The following HMCN1 variants were observed in gnomAD, a reference collection of about 807,000 sequenced individuals.
HMCN1 encodes the protein hemicentin 1, also known as hemicentin-1.
Under a neutral mutation model 625.9 loss-of-function variants are expected in HMCN1, and 321 were observed. The observed-to-expected ratio is 0.51, with a 90% confidence interval of 0.47 to 0.56. The LOEUF (loss-of-function observed/expected upper bound fraction) is 0.56. Ranked by LOEUF, HMCN1 falls within the 20% of genes least tolerant of loss-of-function variation. HMCN1 has a pLI of 0.00. For synonymous variants in HMCN1, 2,425 were observed against 2,417.6 expected, an observed-to-expected ratio of 1.00 and a Z score of -0.09; for missense variants, 6,588 against 6,887.3, an observed-to-expected ratio of 0.96 and a Z score of 1.54.
At chr1:185,778,814 A>C (rs1656820804) in intron 1 of HMCN1, among the ~76,000 whole-genome samples, 1 of 152,144 alleles carries the variant, frequency 6.6e-6, no homozygotes, top group Admixed American at 6.5e-5. Context: ...ATACGTGTGC[A>C]TGTGTCTTTA....
At chr1:185,865,630 C>G in intron 3 of HMCN1, 111 bp from the exon 4 acceptor site, 3 of 678,160 alleles carry the variant, frequency 4.4e-6, no homozygotes, top group Admixed American at 2.2e-5. Context: ...CACACACACA[C>G]ATTCACATAT....
chr1:186,019,512 C>T (rs535759991), intron 34 of HMCN1, 29 bp from the exon 35 acceptor site: 1 of 1,566,862 alleles, frequency 6.4e-7, no homozygotes, highest in Admixed American at 1.7e-5. Context: ...ATTATGGTTT[C>T]ATTCCCTCTC....
At chr1:185,932,788 G>A (rs758197937) in intron 10 of HMCN1, among the ~76,000 whole-genome samples, 3 of 151,982 alleles carry the variant, frequency 2.0e-5, no homozygotes, top group Non-Finnish European at 4.4e-5. Flanking sequence ...CATGGCACAC[G>A]TATACCTATG....
At chr1:185,957,234 T>A (rs957202719) in intron 11 of HMCN1, 1 of 152,214 alleles carries the variant, frequency 6.6e-6, no homozygotes, top group Admixed American at 6.5e-5. Flanking sequence ...AATTATCTCA[T>A]GAAAAATTCA....
rs75020958 is a variant in HMCN1, at chr1:185,878,073, A to G, written c.621+12210A>G. 6.9e-3 allele frequency among the ~76,000 whole-genome samples: 1,058 copies of G among 152,314 alleles called. 11 individuals are homozygous for G. The highest frequency in any genetic ancestry group is 0.023 in the African/African-American group (947 of 41,568). On this transcript the variant is annotated intron_variant, in intron 4 of 106. Coordinates refer to ENST00000271588, the MANE Select transcript of HMCN1 (RefSeq NM_031935.3). ...GCTTTAATGTTATTGATGAATAGAA[A>G]TGCTACTGATTTTTGTACATTGATT...
intron 97 of HMCN1, among the ~76,000 whole-genome samples, chr1:186,155,733 G>A (rs76691199): frequency 1.3e-5 from 2 of 152,244 alleles, no homozygotes; most frequent in East Asian, 3.9e-4. Flanking sequence ...GTGATTCTAT[G>A]AATCACATCT....
chr1:186,176,921 C>T (rs1652622717), intron 103 of HMCN1: 1 of 152,686 alleles, frequency 6.5e-6, no homozygotes, highest in African/African-American at 2.4e-5. Flanking sequence ...GTAATCCCAG[C>T]ACTTTGGGAG....
intron 102 of HMCN1, among the ~76,000 whole-genome samples, chr1:186,172,459 TGGG>T (rs1420863318): frequency 6.6e-6 from 1 of 152,164 alleles, no homozygotes; most frequent in African/African-American, 2.4e-5. Context: ...AAGAATTTCT[TGGG>T]GGAAAGAAAA....
intron 97 of HMCN1, among the ~76,000 whole-genome samples, chr1:186,162,057 A>T (rs1558271276): frequency 6.6e-6 from 1 of 152,188 alleles, no homozygotes; most frequent in Non-Finnish European, 1.5e-5. Context: ...CAGGTACACC[A>T]ATCAGACGTA....
intron 89 of HMCN1, among the ~76,000 whole-genome samples, chr1:186,140,669 A>C (rs779087542): frequency 4.6e-5 from 7 of 152,116 alleles, no homozygotes; most frequent in Non-Finnish European, 8.8e-5. Flanking sequence ...TTTAGCATCC[A>C]TTTCTGATTT....
chr1:185,824,397 G>A (rs1432388894), intron 1 of HMCN1, among the ~76,000 whole-genome samples: 1 of 152,092 alleles, frequency 6.6e-6, no homozygotes, highest in African/African-American at 2.4e-5. Context: ...AATTTGTTAT[G>A]TTTACCTTCT....
At chr1:185,816,438 C>T (rs910419385) in intron 1 of HMCN1, among the ~76,000 whole-genome samples, 2 of 152,160 alleles carry the variant, frequency 1.3e-5, no homozygotes, top group Non-Finnish European at 2.9e-5. Flanking sequence ...GTATGCTCAT[C>T]CCATTGTGAT....
At chr1:186,077,381 T>C (rs1433838278) in intron 54 of HMCN1, among the ~76,000 whole-genome samples, 1 of 152,136 alleles carries the variant, frequency 6.6e-6, no homozygotes, top group African/African-American at 2.4e-5. Flanking sequence ...AATAGTAGTT[T>C]TGTTTTGATT....
chr1:185,997,623 A>G, intron 25 of HMCN1, 99 bp downstream of exon 25: 1 of 826,362 alleles, frequency 1.2e-6, no homozygotes, highest in Non-Finnish European at 2.1e-6. Context: ...TTCCACATCA[A>G]TCCTTGGTAG....
chr1:185,809,175 A>G (rs1659357730), intron 1 of HMCN1, among the ~76,000 whole-genome samples: 1 of 152,120 alleles, frequency 6.6e-6, no homozygotes, highest in South Asian at 2.1e-4. Context: ...TTCCTTCACC[A>G]TAGTAAAAAC....
chr1:186,005,480 T>G (rs1015496725), intron 29 of HMCN1, among the ~76,000 whole-genome samples: 5 of 151,114 alleles, frequency 3.3e-5, no homozygotes, highest in Non-Finnish European at 5.9e-5. Flanking sequence ...TTTAATTGTT[T>G]AAATTGTTTA....
intron 1 of HMCN1, among the ~76,000 whole-genome samples, chr1:185,835,174 A>G (rs1661092617): frequency 6.6e-6 from 1 of 152,208 alleles, no homozygotes; most frequent in Admixed American, 6.5e-5. Flanking sequence ...AAGACTTGAT[A>G]ATAATCAGTT....
intron 1 of HMCN1, among the ~76,000 whole-genome samples, chr1:185,811,379 A>G (rs1231733739): frequency 1.3e-5 from 2 of 152,228 alleles, no homozygotes; most frequent in East Asian, 1.9e-4. Flanking sequence ...TGATTCTCAT[A>G]AAAGTGTGAG....
At position 186,055,403 on chromosome 1, in the gene HMCN1, C is replaced by T. The variant is rs2102286633; in HGVS notation, c.6873C>T (p.Thr2291=). The T allele has an allele frequency of 6.2e-7, 1 of 1,612,430 alleles. No individual in the cohort carries two copies. The highest frequency in any genetic ancestry group is 1.1e-5 in the South Asian group (1 of 91,056). ...TCCTCCAACCCTCAGTTAGACCAAC[C>T]ATAACCAACAGTGGCAGCCACCCTA... The part of the protein sequence containing the change: ...EYNLQVYIRP[T]ITNSGSHPTE... The change falls in exon 45 of 107, where the codon ACC becomes ACT. Residue 2291 remains threonine, a synonymous_variant. Transcript: ENST00000271588.
Sources: gnomAD v4.1 joint callset for allele counts (sites outside exome capture counted in the v4.1 genomes callset) on GRCh38, gnomAD v4.1.1 for gene constraint, MANE v1.5 for transcripts, NCBI Gene and HGNC (gene_info 2026-07-23, HGNC 2026-07-21) for gene names.